Variants in PCDH15 observed in about 807,000 individuals in gnomAD.
The protein encoded by PCDH15 is protocadherin-15.
PCDH15 carries 129 observed loss-of-function variants against 178.5 expected under a neutral mutation model. The ratio of observed to expected loss-of-function variants is 0.72; its 90% CI spans 0.63 to 0.84. The LOEUF (loss-of-function observed/expected upper bound fraction) is 0.84. Ranked by LOEUF, PCDH15 falls within the 40% of genes least tolerant of loss-of-function variation. The pLI is 0.00. For missense variants in PCDH15, 2,230 were observed against 2,099.9 expected (o/e 1.06, Z -1.21); for synonymous variants, 800 against 732.0 (o/e 1.09, Z -1.50).
At chr10:55,003,880 A>T (rs1950140) in intron 2 of PCDH15, among the ~76,000 whole-genome samples, 111,743 of 152,114 alleles carry the variant, frequency 0.73, 41,189 homozygotes, top group East Asian at 0.87. Flanking sequence ...AACCTCAAGT[A>T]TCTCAAGTTG....
intron 2 of PCDH15, among the ~76,000 whole-genome samples, chr10:54,613,912 G>A (rs2093047187): frequency 2.0e-5 from 3 of 151,240 alleles, no homozygotes; most frequent in Non-Finnish European, 4.4e-5. Flanking sequence ...GTGCTATAAT[G>A]GCAGGAGACA....
chr10:55,380,054 A>T (rs765942139), intron 2 of PCDH15, among the ~76,000 whole-genome samples: 1 of 152,180 alleles, frequency 6.6e-6, no homozygotes, highest in Non-Finnish European at 1.5e-5. Flanking sequence ...CAGTCAGGTC[A>T]ATTACAAACT....
At chr10:55,616,260 T>G (rs1843471920) in intron 2 of PCDH15, among the ~76,000 whole-genome samples, 1 of 152,142 alleles carries the variant, frequency 6.6e-6, no homozygotes, top group Non-Finnish European at 1.5e-5. Flanking sequence ...TAAATCTAAT[T>G]CAGCCTGATA....
chr10:53,968,637 C>G (rs1322316651), intron 21 of PCDH15, among the ~76,000 whole-genome samples: 2 of 152,158 alleles, frequency 1.3e-5, no homozygotes, highest in African/African-American at 4.8e-5. Context: ...TAGCCGGACG[C>G]CACTCTGAGA....
intron 13 of PCDH15, among the ~76,000 whole-genome samples, chr10:54,166,262 T>C (rs2046217288): frequency 6.6e-6 from 1 of 152,194 alleles, no homozygotes; most frequent in South Asian, 2.1e-4. Flanking sequence ...TCATCAAATT[T>C]AACAACTCAA....
intron 2 of PCDH15, among the ~76,000 whole-genome samples, chr10:54,554,891 A>C (rs2087002327): frequency 6.6e-6 from 1 of 152,230 alleles, no homozygotes; most frequent in African/African-American, 2.4e-5. Context: ...ACAGCCTTAC[A>C]GATGAAACAA....
chr10:55,353,440 G>T (rs917310407), intron 2 of PCDH15, among the ~76,000 whole-genome samples: 7 of 152,106 alleles, frequency 4.6e-5, no homozygotes, highest in African/African-American at 1.7e-4. Flanking sequence ...GCAAGTGTTG[G>T]TTATTAAATA....
chr10:55,179,232 C>T (rs1234719049), intron 1 of PCDH15, among the ~76,000 whole-genome samples: 5 of 152,004 alleles, frequency 3.3e-5, no homozygotes, highest in Admixed American at 1.3e-4. Flanking sequence ...TTCCCCCCGT[C>T]GGCAGGAAGC....
intron 2 of PCDH15, among the ~76,000 whole-genome samples, chr10:55,512,401 A>G (rs535694658): frequency 1.3e-5 from 2 of 152,054 alleles, no homozygotes; most frequent in East Asian, 1.9e-4. Flanking sequence ...ACTTCCACAC[A>G]GTGTTTTTAG....
At chr10:54,630,072 T>A (rs2093660599) in intron 2 of PCDH15, among the ~76,000 whole-genome samples, 1 of 152,148 alleles carries the variant, frequency 6.6e-6, no homozygotes, top group Non-Finnish European at 1.5e-5. Flanking sequence ...AAAATACTGC[T>A]GAATGAAATC....
upstream of PCDH15, among the ~76,000 whole-genome samples, chr10:54,805,600 T>A (rs1952767134): frequency 6.6e-6 from 1 of 152,186 alleles, no homozygotes; most frequent in African/African-American, 2.4e-5. Flanking sequence ...GCCAGCAATA[T>A]CTACTTTCAC....
chr10:54,642,985 C>T (rs1438413946), intron 2 of PCDH15, among the ~76,000 whole-genome samples: 2 of 152,168 alleles, frequency 1.3e-5, no homozygotes, highest in East Asian at 3.9e-4. Context: ...TGCAATGGCA[C>T]AGTCTTGGCT....
chr10:54,931,155 A>G (rs1230888055), intron 2 of PCDH15, among the ~76,000 whole-genome samples: 1 of 152,182 alleles, frequency 6.6e-6, no homozygotes, highest in African/African-American at 2.4e-5. Flanking sequence ...GCATTTGAAA[A>G]CTGGCATGAA....
chr10:55,348,537 G>C (rs1844823325), intron 2 of PCDH15, among the ~76,000 whole-genome samples: 1 of 151,986 alleles, frequency 6.6e-6, no homozygotes, highest in African/African-American at 2.4e-5. Context: ...AAGTAAATAA[G>C]TAAACACACA....
At chr10:55,269,484 A>G (rs1292330261) in intron 1 of PCDH15, among the ~76,000 whole-genome samples, 2 of 152,154 alleles carry the variant, frequency 1.3e-5, no homozygotes, top group Admixed American at 6.6e-5. Context: ...CTATACACCA[A>G]TAATGTTCAG....
Position 55,334,131 on chromosome 10 carries a change from T to C in PCDH15, c.-155-167480A>G, listed in dbSNP as rs563079064. Among the ~76,000 whole-genome samples the C allele has an allele frequency of 1.9e-3, 292 of 149,846 alleles. 1 individual carries two copies. The highest frequency in any genetic ancestry group is 5.7e-3 in the African/African-American group (232 of 40,388). The stretch of plus-strand genomic sequence containing the variant: ...TATAGGTATAGTCAGTGTGCACATA[T>C]GTAGCAGTTGAATTACCAGATATTT... On this transcript the variant is annotated intron_variant, in intron 2 of 5. Coordinates refer to the PCDH15 transcript ENST00000613346.
chr10:54,653,336 T>C (rs1292276501), intron 2 of PCDH15, among the ~76,000 whole-genome samples: 1 of 152,202 alleles, frequency 6.6e-6, no homozygotes, highest in Admixed American at 6.5e-5. Flanking sequence ...CCGTGTGTTA[T>C]AGACAAGGAA....
intron 3 of PCDH15, among the ~76,000 whole-genome samples, chr10:54,462,985 T>C (rs549622166): frequency 6.6e-6 from 1 of 152,222 alleles, no homozygotes; most frequent in South Asian, 2.1e-4. Context: ...CATAAAACAA[T>C]ATCCTAAGTA....
At chr10:54,820,522 A>C (rs1376606668) in intron 3 of PCDH15, among the ~76,000 whole-genome samples, 1 of 152,068 alleles carries the variant, frequency 6.6e-6, no homozygotes, top group East Asian at 1.9e-4. Flanking sequence ...AGCTTTCAAG[A>C]TAATAAATAA....
Sources: gnomAD v4.1 joint callset for allele counts (sites outside exome capture counted in the v4.1 genomes callset) on GRCh38, gnomAD v4.1.1 for gene constraint, MANE v1.5 for transcripts, NCBI Gene and HGNC (gene_info 2026-07-23, HGNC 2026-07-21) for gene names.